Variants in NUP35 observed in about 807,000 individuals in gnomAD.
The protein encoded by NUP35 is nucleoporin NUP35.
Under a neutral mutation model 41.5 loss-of-function variants are expected in NUP35, and 25 were observed. The ratio of observed to expected loss-of-function variants is 0.60; its 90% CI spans 0.44 to 0.84. The LOEUF (loss-of-function observed/expected upper bound fraction) is 0.84. NUP35 is among the 40% of genes least tolerant of loss of function. The pLI, the probability that NUP35 is intolerant of heterozygous loss-of-function variation, is 0.00. For missense variants in NUP35, 396 were observed against 396.6 expected (o/e 1.00, Z 0.01); for synonymous variants, 149 against 130.7 (o/e 1.14, Z -0.96).
upstream of NUP35, chr2:183,123,667 AAAACT>A (rs1700100109): frequency 4.5e-6 from 2 of 439,696 alleles, 1 homozygote. Context: ...GTATTTGAGC[AAAACT>A]AAACAATATA....
upstream of NUP35, among the ~76,000 whole-genome samples, chr2:183,121,583 C>T (rs1485266305): frequency 1.3e-5 from 2 of 152,030 alleles, no homozygotes; most frequent in African/African-American, 2.4e-5. Context: ...CCTGTAATCC[C>T]AGCTCTTTGG....
At chr2:183,144,385 C>T (rs1314215394) in intron 4 of NUP35, among the ~76,000 whole-genome samples, 1 of 152,182 alleles carries the variant, frequency 6.6e-6, no homozygotes, top group Non-Finnish European at 1.5e-5. Context: ...TGAGCAGAGA[C>T]CAAATCCCTT....
chr2:183,153,769 A>G (rs565763407), intron 5 of NUP35, among the ~76,000 whole-genome samples: 1 of 152,240 alleles, frequency 6.6e-6, no homozygotes, highest in African/African-American at 2.4e-5. Context: ...GGACTGGAGG[A>G]TGGTGGCCCT....
Position 183,159,546 on chromosome 2 carries a change from C to T in NUP35, c.797C>T (p.Pro266Leu), listed in dbSNP as rs755544921. The T allele has an allele frequency of 1.9e-6, 3 of 1,613,468 alleles. No homozygotes were observed. The highest frequency in any genetic ancestry group is 2.5e-6 in the Non-Finnish European group (3 of 1,179,668). The change falls in exon 8 of 9, where the codon CCA becomes CTA. Residue 266 changes from proline (P) to leucine (L), a missense_variant. Transcript: ENST00000295119. ...ALSSPSLAFT[P>L]PIKTLGTPTQ... ...TCATCTCCATCTTTAGCCTTTACAC[C>T]ACCAATCAAAACTCTAGGTACACCA... is the stretch of plus-strand genomic sequence containing the variant.
Position 183,118,077 on chromosome 2 carries a change from A to T in NUP35, c.-121+451A>T, listed in dbSNP as rs537758210. Among the ~76,000 whole-genome samples, 12 of 152,250 alleles carry T rather than the reference A, an allele frequency of 7.9e-5. No individual in the cohort carries two copies. In the South Asian group the frequency reaches 2.5e-3, roughly 32 times the overall value. On this transcript the variant is annotated intron_variant, in intron 1 of 9. Coordinates refer to the NUP35 transcript ENST00000409798. ...AACTGGGCAGTTGTATTTATTAAGC[A>T]TCTGCACCATCCTTTGTTGAAGAAA... is the stretch of plus-strand genomic sequence containing the variant.
chr2:183,160,783 T>A, intron 8 of NUP35: 1 of 207,468 alleles, frequency 4.8e-6, no homozygotes. Context: ...TATTTTAATT[T>A]TAAAAATATA....
rs912516281 is a variant in NUP35 at position 183,157,302 on chromosome 2, G to T, written c.540-142G>T. 12 of 677,468 alleles carry T rather than the reference G, an allele frequency of 1.8e-5. No homozygotes were observed. The South Asian group carries it at 2.0e-4, about 11-fold the overall frequency. 42.0% of individuals were successfully genotyped at this position (677,468 alleles called of 1,614,324 possible). ...GTCACTGACAGAATTAGCCCATATC[G>T]GGGAAAACAGGATGATCAGCACTCT... On this transcript the variant is annotated intron_variant, in intron 5 of 8. Transcript: ENST00000295119.
chr2:183,138,929 T>G (rs1684987457), intron 4 of NUP35, among the ~76,000 whole-genome samples: 1 of 152,156 alleles, frequency 6.6e-6, no homozygotes, highest in Non-Finnish European at 1.5e-5. Context: ...CTCTTCTTTT[T>G]CTGGTTTGGG....
chr2:183,118,808 G>A (rs914189109), intron 1 of NUP35: 2 of 152,166 alleles, frequency 1.3e-5, no homozygotes, highest in Non-Finnish European at 2.9e-5. Flanking sequence ...AGGGCCAAGC[G>A]GGCATCTTGG....
In NUP35 at chr2:183,134,622, C is replaced by CT. The variant is rs1311534798; in HGVS notation, c.397+1010dup. 5.0e-3 allele frequency among the ~76,000 whole-genome samples: 712 copies of CT among 143,628 alleles called. 4 individuals carry two copies. Among genetic ancestry groups the CT allele is most frequent in the African/African-American group, 0.017 (655 of 39,570 alleles). The allele number at this position is 143,628 out of a possible 152,430, so 94.2% of individuals were successfully genotyped here. A position where few individuals can be genotyped will look rare whatever the true frequency, so the allele number is the denominator to read the frequency against. On this transcript the variant is annotated intron_variant, in intron 4 of 8. Transcript: ENST00000295119. Reference sequence around the variant, plus strand: ...AGGTTCTAGACAAAAATCTATTTTTCTTTTTTTTTTTGAGATGGAGTCTTG... The same window carrying CT: ...AGGTTCTAGACAAAAATCTATTTTTCTTTTTTTTTTTTGAGATGGAGTCTTG...
At chr2:183,138,365 A>G (rs767966554) in intron 4 of NUP35, among the ~76,000 whole-genome samples, 2 of 149,622 alleles carry the variant, frequency 1.3e-5, no homozygotes, top group Non-Finnish European at 3.0e-5. Flanking sequence ...AGTTTTATAA[A>G]GAGATGTCAT....
At chr2:183,149,867 C>A (rs74417527) in intron 4 of NUP35, among the ~76,000 whole-genome samples, 2 of 152,062 alleles carry the variant, frequency 1.3e-5, no homozygotes, top group Non-Finnish European at 2.9e-5. Context: ...AAATTACACT[C>A]GTAAAGTGTA....
At chr2:183,147,140 T>C (rs1685307700) in intron 4 of NUP35, among the ~76,000 whole-genome samples, 1 of 152,188 alleles carries the variant, frequency 6.6e-6, no homozygotes, top group Non-Finnish European at 1.5e-5. Flanking sequence ...TGTTTTCTCC[T>C]ATTCTGTAGG....
intron 2 of NUP35, among the ~76,000 whole-genome samples, chr2:183,129,553 A>C (rs1256777166): frequency 6.6e-6 from 1 of 152,208 alleles, no homozygotes; most frequent in East Asian, 1.9e-4. Context: ...CAAATGTGTT[A>C]TTTTATTATG....
rs1700006514 is a variant in NUP35 at position 183,117,628 on chromosome 2, T to C, written c.-121+2T>C. ...CTTTTTTCTAAAGTCTTACTAAAGG[T>C]GGAAATCTTTTTTCTTCACTTCAAT... On this transcript the variant is annotated splice_donor_variant, in intron 1 of 9. Coordinates refer to the NUP35 transcript ENST00000409798. LOFTEE classifies it low-confidence loss of function (5UTR_SPLICE). 1 of 152,194 alleles carries C rather than the reference T, an allele frequency of 6.6e-6. No individual in the cohort carries two copies. Among genetic ancestry groups the C allele is most frequent in the South Asian group, 2.1e-4 (1 of 4,830 alleles). The allele number at this position is 152,194 out of a possible 1,614,324, so 9.4% of individuals were successfully genotyped here.
intron 4 of NUP35, among the ~76,000 whole-genome samples, chr2:183,135,887 A>G (rs1046426195): frequency 6.6e-6 from 1 of 150,830 alleles, no homozygotes; most frequent in Admixed American, 6.6e-5. Context: ...TAAAAATTTA[A>G]AAAAAAAAGC....
At chr2:183,141,715 A>G (rs973643535) in intron 4 of NUP35, among the ~76,000 whole-genome samples, 5 of 152,122 alleles carry the variant, frequency 3.3e-5, no homozygotes, top group East Asian at 1.9e-4. Context: ...TTCTGCTGCT[A>G]TGGTACATAC....
At chr2:183,121,059 T>C (rs1575107749), upstream of NUP35, among the ~76,000 whole-genome samples, 1 of 152,198 alleles carries the variant, frequency 6.6e-6, no homozygotes, top group East Asian at 1.9e-4. Flanking sequence ...GGATCAATTA[T>C]TGAAAAACCA....
rs1309796749 is a variant in NUP35, at chr2:183,128,476, A to G, written c.211+19A>G. 9.4e-6 allele frequency: 15 copies of G among 1,602,930 alleles called. No individual in the cohort carries two copies. Among genetic ancestry groups the G allele is most frequent in the East Asian group, 9.0e-5 (4 of 44,644 alleles). Reference sequence around the variant, plus strand: ...CTTGCAGGTAGGTGAATTGCTTAAAATAATTTTATAGACATGCTAGATACA... The same window carrying G: ...CTTGCAGGTAGGTGAATTGCTTAAAGTAATTTTATAGACATGCTAGATACA... On this transcript the variant is annotated intron_variant, in intron 2 of 8. Transcript: ENST00000295119.
Sources: gnomAD v4.1 joint callset for allele counts (sites outside exome capture counted in the v4.1 genomes callset) on GRCh38, gnomAD v4.1.1 for gene constraint, MANE v1.5 for transcripts, NCBI Gene and HGNC (gene_info 2026-07-23, HGNC 2026-07-21) for gene names.